EFCAB13: variants seen among roughly 807,000 people sequenced by gnomAD.
EFCAB13 encodes EF-hand calcium-binding domain-containing protein 13.
Under a neutral mutation model 110.2 loss-of-function variants are expected in EFCAB13, and 91 were observed. The ratio of observed to expected loss-of-function variants is 0.83; its 90% CI spans 0.70 to 0.98. The LOEUF (loss-of-function observed/expected upper bound fraction) is 0.98, where lower values mean the gene tolerates loss of function less well. Among genes scored for constraint, EFCAB13 ranks in the 50% least tolerant of loss-of-function variants. The pLI is 0.00. For missense variants in EFCAB13, 968 were observed against 1,119.4 expected (o/e 0.86, Z 1.93); for synonymous variants, 323 against 369.9 (o/e 0.87, Z 1.45).
At chr17:47,392,473 G>C (rs963003661) in intron 15 of EFCAB13, among the ~76,000 whole-genome samples, 6 of 152,088 alleles carry the variant, frequency 3.9e-5, no homozygotes, top group Non-Finnish European at 7.4e-5. Flanking sequence ...TGGGGGTTGG[G>C]AGGAACTTGC....
chr17:47,399,320 C>T (rs1033947670), intron 17 of EFCAB13, among the ~76,000 whole-genome samples: 12 of 152,108 alleles, frequency 7.9e-5, no homozygotes, highest in African/African-American at 2.7e-4. Context: ...TATCTGTACG[C>T]CATTTGTCAT....
At chr17:47,426,048 C>G (rs1041413102) in intron 23 of EFCAB13, among the ~76,000 whole-genome samples, 4 of 152,154 alleles carry the variant, frequency 2.6e-5, no homozygotes, top group Admixed American at 6.5e-5. Flanking sequence ...GCCAGTCAAT[C>G]CAAACCACTA....
chr17:47,439,456 C>T (rs1328263830), intron 24 of EFCAB13, among the ~76,000 whole-genome samples: 1 of 152,052 alleles, frequency 6.6e-6, no homozygotes, highest in African/African-American at 2.4e-5. Context: ...AGATTACAGG[C>T]ATGAGCCACC....
chr17:47,328,466 A>G (rs2065300716), intron 4 of EFCAB13, 83 bp downstream of exon 4: 9 of 1,111,880 alleles, frequency 8.1e-6, no homozygotes, highest in Non-Finnish European at 1.2e-5. Flanking sequence ...CATAATCAGT[A>G]AGCAAATTCA....
At chr17:47,338,201 A>T in intron 5 of EFCAB13, among the ~76,000 whole-genome samples, 1 of 151,876 alleles carries the variant, frequency 6.6e-6, no homozygotes, top group East Asian at 1.9e-4. Flanking sequence ...TGACTCATTA[A>T]TGGGTAATGG....
chr17:47,366,108 G>T (rs1015902507), intron 10 of EFCAB13, among the ~76,000 whole-genome samples: 1 of 152,076 alleles, frequency 6.6e-6, no homozygotes, highest in African/African-American at 2.4e-5. Flanking sequence ...TTGGTATATT[G>T]TTGGAGATGA....
At chr17:47,434,465 G>A (rs574341333) in intron 24 of EFCAB13, among the ~76,000 whole-genome samples, 37 of 152,126 alleles carry the variant, frequency 2.4e-4, no homozygotes, top group African/African-American at 7.2e-4. Flanking sequence ...GAAAATTACC[G>A]TACTGCCAAA....
intron 10 of EFCAB13, among the ~76,000 whole-genome samples, chr17:47,363,605 C>A (rs968906215): frequency 6.6e-6 from 1 of 151,984 alleles, no homozygotes; most frequent in African/African-American, 2.4e-5. Flanking sequence ...GAAAGATTAT[C>A]AGAGGGGCTG....
intron 9 of EFCAB13, among the ~76,000 whole-genome samples, chr17:47,349,687 G>A (rs1487871008): frequency 7.2e-6 from 1 of 138,448 alleles, no homozygotes; most frequent in African/African-American, 2.7e-5. Flanking sequence ...TTTCACTTCT[G>A]TTTTGGAACC....
chr17:47,376,116 T>C (rs1322452436), intron 12 of EFCAB13, among the ~76,000 whole-genome samples: 1 of 152,188 alleles, frequency 6.6e-6, no homozygotes, highest in Non-Finnish European at 1.5e-5. Context: ...TCATATCACA[T>C]TTAGTATTTA....
At chr17:47,420,595 C>T (rs1201028686) in intron 23 of EFCAB13, among the ~76,000 whole-genome samples, 2 of 50,304 alleles carry the variant, frequency 4.0e-5, no homozygotes, top group East Asian at 5.0e-4. Flanking sequence ...GCCTCTGCCC[C>T]GCCGCCCCAT....
At chr17:47,346,253 A>G (rs535947805) in intron 8 of EFCAB13, among the ~76,000 whole-genome samples, 7 of 152,254 alleles carry the variant, frequency 4.6e-5, no homozygotes, top group African/African-American at 1.4e-4. Context: ...TCTTTGTTCC[A>G]TAAGTTTGAC....
chr17:47,400,653 C>G (rs1217962301), intron 17 of EFCAB13, among the ~76,000 whole-genome samples: 1 of 147,682 alleles, frequency 6.8e-6, no homozygotes, highest in African/African-American at 2.5e-5. Context: ...TCCTTTGCTT[C>G]CCTCCCTTCT....
intron 14 of EFCAB13, among the ~76,000 whole-genome samples, chr17:47,387,230 G>C (rs963169156): frequency 2.0e-5 from 3 of 152,162 alleles, no homozygotes; most frequent in African/African-American, 7.2e-5. Flanking sequence ...GTGGCCTGAC[G>C]TGTGGCCTAT....
At chr17:47,387,105 A>G (rs2065681041) in intron 14 of EFCAB13, among the ~76,000 whole-genome samples, 1 of 152,178 alleles carries the variant, frequency 6.6e-6, no homozygotes, top group Non-Finnish European at 1.5e-5. Context: ...CAGCAGTCTC[A>G]GTGTTTGCAT....
intron 24 of EFCAB13, among the ~76,000 whole-genome samples, chr17:47,432,384 C>T (rs1346963408): frequency 6.7e-6 from 1 of 148,748 alleles, no homozygotes; most frequent in Non-Finnish European, 1.5e-5. Flanking sequence ...GGCGACTGAG[C>T]AAGAATCCAT....
At chr17:47,404,728 T>G in intron 20 of EFCAB13, 95 bp downstream of exon 20, 1 of 862,494 alleles carries the variant, frequency 1.2e-6, no homozygotes, top group Non-Finnish European at 1.8e-6. Context: ...TTAAATCTTC[T>G]TTATAGTATC....
At chr17:47,385,440 A>T (rs1470345127) in intron 14 of EFCAB13, among the ~76,000 whole-genome samples, 1 of 151,470 alleles carries the variant, frequency 6.6e-6, no homozygotes, top group African/African-American at 2.4e-5. Flanking sequence ...TGATTCAGCT[A>T]TTGATACTTG....
chr17:47,434,464 C>T (rs932194710), intron 24 of EFCAB13, among the ~76,000 whole-genome samples: 30 of 152,090 alleles, frequency 2.0e-4, no homozygotes. Context: ...TGAAAATTAC[C>T]GTACTGCCAA....
Sources: allele counts gnomAD v4.1 joint callset (sites outside exome capture counted in the v4.1 genomes callset), GRCh38; gene constraint gnomAD v4.1.1; transcripts MANE v1.5; gene names NCBI Gene and HGNC (gene_info 2026-07-23, HGNC 2026-07-21).